GRAMD1B: variants seen among roughly 807,000 people sequenced by gnomAD.
GRAMD1B encodes GRAM domain containing 1B, also known as protein Aster-B.
In GRAMD1B, 37 loss-of-function variants were observed where a neutral mutation model predicts 99.7. The observed-to-expected ratio is 0.37, with a 90% confidence interval of 0.29 to 0.49. GRAMD1B has a LOEUF of 0.49. Ranked by LOEUF, GRAMD1B falls within the 20% of genes least tolerant of loss-of-function variation. The probability of loss-of-function intolerance (pLI) is 0.98; values close to 1 mark genes in which losing one functional copy is unlikely to be tolerated. For synonymous variants in GRAMD1B, 427 were observed against 387.6 expected (o/e 1.10, Z -1.19); for missense variants, 888 against 1,009.2 (o/e 0.88, Z 1.63).
intron 1 of GRAMD1B, among the ~76,000 whole-genome samples, chr11:123,422,317 A>G (rs1482824679): frequency 6.6e-6 from 1 of 152,204 alleles, no homozygotes; most frequent in East Asian, 1.9e-4. Context: ...AGAATTGCAT[A>G]GAGGTGAATT....
At chr11:123,399,186 T>C (rs1413096733) in intron 1 of GRAMD1B, among the ~76,000 whole-genome samples, 1 of 152,238 alleles carries the variant, frequency 6.6e-6, no homozygotes, top group African/African-American at 2.4e-5. Context: ...CACGCATTAT[T>C]TGTCTTTCTG....
intron 1 of GRAMD1B, among the ~76,000 whole-genome samples, chr11:123,382,865 G>A (rs1946928210): frequency 6.6e-6 from 1 of 152,200 alleles, no homozygotes; most frequent in Non-Finnish European, 1.5e-5. Context: ...CAATCCACAG[G>A]AAAGTAGCAA....
At chr11:123,498,994 T>G (rs951061098) in intron 2 of GRAMD1B, among the ~76,000 whole-genome samples, 1 of 152,178 alleles carries the variant, frequency 6.6e-6, no homozygotes, top group African/African-American at 2.4e-5. Context: ...CCTCCTGTGA[T>G]CCTACTCTAG....
chr11:123,366,037 C>A (rs1451146217), intron 1 of GRAMD1B, among the ~76,000 whole-genome samples: 1 of 152,218 alleles, frequency 6.6e-6, no homozygotes, highest in African/African-American at 2.4e-5. Flanking sequence ...AGGATTTAAG[C>A]CTCTATAAAT....
chr11:123,414,808 G>A (rs915708416), intron 1 of GRAMD1B, among the ~76,000 whole-genome samples: 4 of 152,152 alleles, frequency 2.6e-5, no homozygotes, highest in African/African-American at 9.7e-5. Flanking sequence ...AGTAAACCAC[G>A]ATTGAGATAA....
chr11:123,396,779 A>G (rs1379701418), intron 1 of GRAMD1B, among the ~76,000 whole-genome samples: 1 of 152,174 alleles, frequency 6.6e-6, no homozygotes, highest in Non-Finnish European at 1.5e-5. Context: ...CTGTTGAAAT[A>G]TTTTGTGCAT....
intron 1 of GRAMD1B, among the ~76,000 whole-genome samples, chr11:123,383,486 T>C (rs938501010): frequency 5.3e-5 from 8 of 152,190 alleles, no homozygotes; most frequent in Non-Finnish European, 1.0e-4. Flanking sequence ...AAAGACTATG[T>C]ATCTTTATCT....
Position 123,580,025 on chromosome 11 carries a change from T to C in GRAMD1B, c.663+2448T>C, listed in dbSNP as rs951169691. 4.6e-5 allele frequency among the ~76,000 whole-genome samples: 7 copies of C among 152,172 alleles called. No individual in the cohort carries two copies. In the East Asian group the frequency reaches 1.3e-3, roughly 29 times the overall value. On this transcript the variant is annotated intron_variant, in intron 3 of 19. Coordinates refer to ENST00000635736, the MANE Select transcript of GRAMD1B (RefSeq NM_001387025.1). The stretch of plus-strand genomic sequence containing the variant: ...GCCATGCCCATCCCTGGCAGACACA[T>C]TCTGAGTTTTCTGACATTGGTTACC...
intron 2 of GRAMD1B, among the ~76,000 whole-genome samples, chr11:123,543,172 C>G (rs1219083447): frequency 2.0e-5 from 3 of 152,170 alleles, no homozygotes; most frequent in Non-Finnish European, 2.9e-5. Context: ...AAACACATCT[C>G]AGAGAGCCTT....
intron 2 of GRAMD1B, among the ~76,000 whole-genome samples, chr11:123,486,201 T>A (rs565022165): frequency 6.6e-6 from 1 of 152,322 alleles, no homozygotes; most frequent in South Asian, 2.1e-4. Context: ...CTGGCTATCA[T>A]AACATTTTAC....
At chr11:123,567,583 A>T (rs1248775845) in intron 2 of GRAMD1B, among the ~76,000 whole-genome samples, 1 of 152,202 alleles carries the variant, frequency 6.6e-6, no homozygotes, top group East Asian at 1.9e-4. Flanking sequence ...CTGTTTTGTC[A>T]TTTCGGGCAT....
chr11:123,457,078 C>G (rs960818698), intron 1 of GRAMD1B, among the ~76,000 whole-genome samples: 1 of 81,100 alleles, frequency 1.2e-5, no homozygotes, highest in Admixed American at 1.4e-4. Flanking sequence ...CACCACTGCA[C>G]TCTAACCTGG....
chr11:123,592,747 G>A (rs1950811976), intron 4 of GRAMD1B, among the ~76,000 whole-genome samples: 1 of 152,144 alleles, frequency 6.6e-6, no homozygotes, highest in African/African-American at 2.4e-5. Context: ...ACCCTAGGCT[G>A]AGGGTCAGCA....
At chr11:123,439,711 C>G (rs1352513529) in intron 1 of GRAMD1B, among the ~76,000 whole-genome samples, 1 of 152,118 alleles carries the variant, frequency 6.6e-6, no homozygotes, top group African/African-American at 2.4e-5. Context: ...GAAACTCAGG[C>G]CTCTGACCTG....
At chr11:123,501,860 A>G (rs920424225) in intron 2 of GRAMD1B, among the ~76,000 whole-genome samples, 2 of 152,228 alleles carry the variant, frequency 1.3e-5, no homozygotes, top group African/African-American at 2.4e-5. Context: ...TATGTGGGAA[A>G]GTTCCAGTAC....
chr11:123,530,581 A>G (rs1328837980), intron 2 of GRAMD1B, among the ~76,000 whole-genome samples: 1 of 152,130 alleles, frequency 6.6e-6, no homozygotes, highest in African/African-American at 2.4e-5. Flanking sequence ...GGGTTTCACC[A>G]TGTTGGCCAG....
intron 1 of GRAMD1B, among the ~76,000 whole-genome samples, chr11:123,410,273 C>CA (rs879760200): frequency 3.8e-4 from 54 of 143,824 alleles, no homozygotes; most frequent in Middle Eastern, 7.1e-3. Flanking sequence ...AACCAGATGC[C>CA]AAAAAAAAAA....
intron 17 of GRAMD1B, among the ~76,000 whole-genome samples, chr11:123,615,454 A>C: frequency 6.6e-6 from 1 of 152,092 alleles, no homozygotes; most frequent in East Asian, 1.9e-4. Context: ...TGGGAGGCCG[A>C]GGCAGGCGGA....
At chr11:123,553,621 G>T (rs863731) in intron 2 of GRAMD1B, among the ~76,000 whole-genome samples, 59,681 of 152,000 alleles carry the variant, frequency 0.39, 13,904 homozygotes, top group African/African-American at 0.65. Flanking sequence ...AGAGATGCAG[G>T]ATTAATGAGA....
Sources: gnomAD v4.1 joint callset for allele counts (sites outside exome capture counted in the v4.1 genomes callset) on GRCh38, gnomAD v4.1.1 for gene constraint, MANE v1.5 for transcripts, NCBI Gene and HGNC (gene_info 2026-07-23, HGNC 2026-07-21) for gene names.